Variants in CSMD1 observed in about 807,000 individuals in gnomAD.
CSMD1 encodes the protein CUB and Sushi multiple domains 1.
In CSMD1, 213 loss-of-function variants were observed where a neutral mutation model predicts 417.5. That is an observed-to-expected ratio of 0.51 (90% CI 0.46 to 0.57). The LOEUF is 0.57. Ranked by LOEUF, CSMD1 falls within the 20% of genes least tolerant of loss-of-function variation. The probability of loss-of-function intolerance (pLI) is 0.00; values close to 1 mark genes in which losing one functional copy is unlikely to be tolerated. For missense variants in CSMD1, 6,923 were observed against 4,529.7 expected (o/e 1.53, Z -15.17); for synonymous variants, 2,862 against 1,736.8 (o/e 1.65, Z -16.11).
intron 3 of CSMD1, among the ~76,000 whole-genome samples, chr8:4,145,306 T>A (rs1054117822): frequency 1.3e-5 from 2 of 151,202 alleles, no homozygotes; most frequent in Admixed American, 1.3e-4. Context: ...GAGAACTTTA[T>A]GGTACTCACC....
chr8:4,415,666 TTG>T (rs1796894279), intron 3 of CSMD1, among the ~76,000 whole-genome samples: 1 of 152,228 alleles, frequency 6.6e-6, no homozygotes, highest in African/African-American at 2.4e-5. Context: ...TAACTCAGTA[TTG>T]TGTCTCTGGT....
At chr8:3,254,928 T>G (rs1207186950) in intron 26 of CSMD1, among the ~76,000 whole-genome samples, 3 of 152,190 alleles carry the variant, frequency 2.0e-5, no homozygotes, top group Non-Finnish European at 2.9e-5. Flanking sequence ...CTGATTTCCT[T>G]TGGAGGAGGA....
At chr8:3,689,221 C>T (rs1431077340) in intron 7 of CSMD1, among the ~76,000 whole-genome samples, 1 of 152,204 alleles carries the variant, frequency 6.6e-6, no homozygotes, top group East Asian at 1.9e-4. Context: ...CACCTCCCCA[C>T]CTTCTAACTT....
At chr8:3,644,303 A>C (rs1797463597) in intron 7 of CSMD1, among the ~76,000 whole-genome samples, 1 of 152,212 alleles carries the variant, frequency 6.6e-6, no homozygotes, top group South Asian at 2.1e-4. Context: ...GCCTGTGATC[A>C]ATTTTGCTGA....
At chr8:3,665,296 G>A (rs919685689) in intron 7 of CSMD1, among the ~76,000 whole-genome samples, 1 of 152,164 alleles carries the variant, frequency 6.6e-6, no homozygotes, top group African/African-American at 2.4e-5. Context: ...TTAGGAGGCT[G>A]AGGTGGGCGG....
chr8:3,638,808 C>T (rs1000312890), intron 7 of CSMD1, among the ~76,000 whole-genome samples: 1 of 152,130 alleles, frequency 6.6e-6, no homozygotes, highest in African/African-American at 2.4e-5. Flanking sequence ...TGAGACTCCT[C>T]CCTCTCTCCT....
intron 3 of CSMD1, among the ~76,000 whole-genome samples, chr8:4,215,290 A>C (rs77019805): frequency 0.033 from 5,037 of 152,078 alleles, 276 homozygotes; most frequent in African/African-American, 0.12. Context: ...CATAATATTC[A>C]TCTCCTCCCT....
At chr8:4,050,999 T>C (rs1183597159) in intron 3 of CSMD1, among the ~76,000 whole-genome samples, 3 of 152,066 alleles carry the variant, frequency 2.0e-5, no homozygotes, top group Non-Finnish European at 4.4e-5. Flanking sequence ...CATGCCCTAC[T>C]TTTAAGGAGG....
chr8:4,471,714 A>C (rs1800544514), intron 2 of CSMD1, among the ~76,000 whole-genome samples: 1 of 149,844 alleles, frequency 6.7e-6, no homozygotes, highest in Non-Finnish European at 1.5e-5. Context: ...ATCTTCAAAG[A>C]AAAATGCAGC....
chr8:3,344,201 G>T (rs1369759390), intron 22 of CSMD1, among the ~76,000 whole-genome samples: 2 of 152,162 alleles, frequency 1.3e-5, no homozygotes, highest in Non-Finnish European at 2.9e-5. Flanking sequence ...CACATGGTGG[G>T]GAGCAGTGGG....
chr8:3,926,644 CAATT>C (rs916314302), intron 5 of CSMD1, among the ~76,000 whole-genome samples: 4 of 143,220 alleles, frequency 2.8e-5, no homozygotes, highest in Non-Finnish European at 4.6e-5. Context: ...TTATTAGAAA[CAATT>C]AATTGACCTA....
intron 1 of CSMD1, among the ~76,000 whole-genome samples, chr8:4,941,196 A>T (rs1423174809): frequency 6.6e-6 from 1 of 152,226 alleles, no homozygotes; most frequent in Non-Finnish European, 1.5e-5. Flanking sequence ...ATATTGTAAC[A>T]TTCATTCTTG....
chr8:4,679,476 C>A (rs961905784), intron 1 of CSMD1, among the ~76,000 whole-genome samples: 4 of 152,168 alleles, frequency 2.6e-5, no homozygotes, highest in African/African-American at 9.7e-5. Context: ...CCTCTATATA[C>A]CTATCACTAT....
At chr8:3,674,207 G>C (rs1585055099) in intron 7 of CSMD1, among the ~76,000 whole-genome samples, 1 of 152,106 alleles carries the variant, frequency 6.6e-6, no homozygotes, top group Non-Finnish European at 1.5e-5. Context: ...GTTGTCTCTA[G>C]AATTATCAAA....
chr8:4,053,997 G>T (rs1414448647), intron 3 of CSMD1, among the ~76,000 whole-genome samples: 5 of 152,146 alleles, frequency 3.3e-5, no homozygotes, highest in Non-Finnish European at 5.9e-5. Flanking sequence ...AAGAACCTGA[G>T]ATGTAATTGT....
chr8:3,053,348 T>G (rs533609743), intron 49 of CSMD1, among the ~76,000 whole-genome samples: 2 of 152,328 alleles, frequency 1.3e-5, no homozygotes, highest in East Asian at 3.9e-4. Flanking sequence ...AGCATCTTTA[T>G]CATCACAATG....
chr8:2,976,673 T>C (rs1026162519), intron 55 of CSMD1, among the ~76,000 whole-genome samples: 1 of 152,192 alleles, frequency 6.6e-6, no homozygotes, highest in Non-Finnish European at 1.5e-5. Flanking sequence ...GGATGTAAAA[T>C]GCATAGGACA....
intron 5 of CSMD1, among the ~76,000 whole-genome samples, chr8:3,758,088 T>G (rs1041638946): frequency 6.6e-6 from 1 of 151,996 alleles, no homozygotes; most frequent in Admixed American, 6.5e-5. Flanking sequence ...CTCAGCCTCC[T>G]GAGTAGCTGG....
intron 3 of CSMD1, among the ~76,000 whole-genome samples, chr8:4,308,111 G>A (rs1798348663): frequency 1.3e-5 from 2 of 152,150 alleles, no homozygotes; most frequent in South Asian, 2.1e-4. Flanking sequence ...TGGAGAGGGT[G>A]GCAAAGCAGG....
Sources: gnomAD v4.1 joint callset for allele counts (sites outside exome capture counted in the v4.1 genomes callset) on GRCh38, gnomAD v4.1.1 for gene constraint, MANE v1.5 for transcripts, NCBI Gene and HGNC (gene_info 2026-07-23, HGNC 2026-07-21) for gene names.